The following SNRPN variants were observed in gnomAD, a reference collection of about 807,000 sequenced individuals.
SNRPN encodes small nuclear ribonucleoprotein polypeptide N.
In SNRPN, 7 loss-of-function variants were observed where a neutral mutation model predicts 25.2. The ratio of observed to expected loss-of-function variants is 0.28; its 90% CI spans 0.16 to 0.52. The LOEUF (loss-of-function observed/expected upper bound fraction) is 0.52. SNRPN is among the 20% of genes least tolerant of loss of function. The probability of loss-of-function intolerance (pLI) is 0.96; values close to 1 mark genes in which losing one functional copy is unlikely to be tolerated. For synonymous variants in SNRPN, 124 were observed against 110.6 expected (o/e 1.12, Z -0.76); for missense variants, 196 against 322.5 (o/e 0.61, Z 3.00).
chr15:24,893,699 T>TA (rs59839840), intron 2 of SNRPN, among the ~76,000 whole-genome samples: 62,554 of 150,434 alleles, frequency 0.42, 13,694 homozygotes, highest in East Asian at 0.67. Context: ...ACATTCCCAT[T>TA]AAAAAAAAAT....
chr15:24,884,844 G>T (rs577666429), intron 1 of SNRPN, among the ~76,000 whole-genome samples: 1 of 152,286 alleles, frequency 6.6e-6, no homozygotes, highest in East Asian at 1.9e-4. Context: ...GACCCCAAAA[G>T]AGGGTTCTTG....
At chr15:24,950,208 A>G (rs2153203807), upstream of SNRPN, among the ~76,000 whole-genome samples, 1 of 150,304 alleles carries the variant, frequency 6.7e-6, no homozygotes, top group South Asian at 2.1e-4. Flanking sequence ...ACGGAGTCTC[A>G]CTCTGTCACC....
chr15:24,903,713 G>T (rs1421181457), intron 2 of SNRPN, among the ~76,000 whole-genome samples: 4 of 152,102 alleles, frequency 2.6e-5, no homozygotes, highest in Admixed American at 2.6e-4. Flanking sequence ...AGTTTTAATG[G>T]GAGAGATAGT....
chr15:24,909,073 A>T lies in SNRPN; in HGVS notation c.-504-10938A>T, dbSNP rs1036363105. ...TCTTGGGCTTATTTTCATAGACTGG[A>T]TTCTCTCGTATAGCAGCATGAGCTT... On this transcript the variant is annotated intron_variant, in intron 2 of 11. Transcript: ENST00000400097. The T allele has an allele frequency of 2.1e-6, 3 of 1,409,308 alleles. No homozygotes were observed. The African/African-American group carries it at 4.3e-5, about 20-fold the overall frequency. The allele number at this position is 1,409,308 out of a possible 1,614,324, so 87.3% of individuals were successfully genotyped here.
rs189125295 is a variant in SNRPN, at chr15:24,978,487, G to A, written c.*43G>A. On this transcript the variant is annotated 3_prime_UTR_variant, in exon 10 of 10. Coordinates refer to ENST00000390687, the MANE Select transcript of SNRPN (RefSeq NM_003097.6). Reference sequence around the variant, plus strand: ...TCAGTCACTTTTTCCCCTGCAATGCGTCTTGTGAAATTGTGTAGAGTGTTT... The same window carrying A: ...TCAGTCACTTTTTCCCCTGCAATGCATCTTGTGAAATTGTGTAGAGTGTTT... 2,243 of 1,567,226 alleles carry A rather than the reference G, an allele frequency of 1.4e-3. 3 individuals are homozygous for A. The highest frequency in any genetic ancestry group is 5.2e-3 in the Admixed American group (309 of 59,860).
intron 2 of SNRPN, among the ~76,000 whole-genome samples, chr15:24,847,287 A>T (rs1403521011): frequency 6.6e-6 from 1 of 152,190 alleles, no homozygotes; most frequent in South Asian, 2.1e-4. Flanking sequence ...GGGAAAAAAA[A>T]GGTGAGGCCC....
intron 2 of SNRPN, among the ~76,000 whole-genome samples, chr15:24,903,400 G>C (rs540731891): frequency 6.6e-6 from 1 of 152,268 alleles, no homozygotes; most frequent in Non-Finnish European, 1.5e-5. Context: ...ACAGGCAAAA[G>C]CGTAGAGGGT....
intron 2 of SNRPN, among the ~76,000 whole-genome samples, chr15:24,917,658 C>A (rs2059617424): frequency 6.6e-6 from 1 of 152,260 alleles, no homozygotes; most frequent in African/African-American, 2.4e-5. Flanking sequence ...CAAACCCGCC[C>A]TGGTCTGCGC....
intron 2 of SNRPN, among the ~76,000 whole-genome samples, chr15:24,914,066 G>GAACAAA (rs1485846206): frequency 2.2e-4 from 34 of 152,130 alleles, no homozygotes; most frequent in Non-Finnish European, 4.4e-4. Flanking sequence ...GTTAGCCTTT[G>GAACAAA]TTCTCCCTGG....
intron 2 of SNRPN, among the ~76,000 whole-genome samples, chr15:24,830,519 T>A (rs2141431925): frequency 6.6e-6 from 1 of 152,236 alleles, no homozygotes; most frequent in East Asian, 1.9e-4. Context: ...ACAGTAAAAA[T>A]TTAGATGTTT....
At chr15:24,885,230 T>C (rs922513882) in intron 1 of SNRPN, among the ~76,000 whole-genome samples, 3 of 152,224 alleles carry the variant, frequency 2.0e-5, no homozygotes, top group Non-Finnish European at 4.4e-5. Context: ...TAGGTATTGT[T>C]AAGCTGTTTC....
upstream of SNRPN, among the ~76,000 whole-genome samples, chr15:24,856,373 A>C (rs2053385477): frequency 6.6e-6 from 1 of 152,220 alleles, no homozygotes; most frequent in Non-Finnish European, 1.5e-5. Context: ...ATGAGATGTC[A>C]ACACTCCTCA....
At chr15:24,846,321 A>G (rs1357348079) in intron 2 of SNRPN, among the ~76,000 whole-genome samples, 1 of 152,176 alleles carries the variant, frequency 6.6e-6, no homozygotes, top group East Asian at 1.9e-4. Context: ...AAAGGAAGTC[A>G]ACCGATTTTC....
intron 1 of SNRPN, among the ~76,000 whole-genome samples, chr15:24,957,162 C>T (rs1193723595): frequency 6.6e-6 from 1 of 152,002 alleles, no homozygotes; most frequent in African/African-American, 2.4e-5. Flanking sequence ...TTCAGTTATC[C>T]TTCTTAATCT....
chr15:24,918,326 CAT>C (rs1447009950), intron 2 of SNRPN, among the ~76,000 whole-genome samples: 1 of 97,810 alleles, frequency 1.0e-5, no homozygotes, highest in Admixed American at 1.2e-4. Flanking sequence ...ATATATATAA[CAT>C]AATATATATG....
intron 2 of SNRPN, among the ~76,000 whole-genome samples, chr15:24,837,577 G>A (rs979171083): frequency 6.7e-4 from 101 of 151,860 alleles, no homozygotes; most frequent in Non-Finnish European, 1.1e-3. Flanking sequence ...CACCGTGTTA[G>A]CTAGGATGGT....
intron 3 of SNRPN, among the ~76,000 whole-genome samples, chr15:24,949,010 CTTTTTTTTTTTTTTTT>C (rs869100437): frequency 1.1e-4 from 5 of 46,410 alleles, no homozygotes; most frequent in African/African-American, 9.0e-5. Context: ...TTTGCCTATT[CTTTTTTTTTTTTTTTT>C]TTTTTTTTTT....
At chr15:24,928,805 G>T (rs1462239789) in intron 3 of SNRPN, among the ~76,000 whole-genome samples, 1 of 151,826 alleles carries the variant, frequency 6.6e-6, no homozygotes, top group African/African-American at 2.4e-5. Flanking sequence ...GTGGGGTCTT[G>T]CCATGTTGCC....
intron 2 of SNRPN, among the ~76,000 whole-genome samples, chr15:24,894,408 C>T (rs577659132): frequency 2.6e-5 from 4 of 152,048 alleles, no homozygotes; most frequent in African/African-American, 7.2e-5. Flanking sequence ...TTAGTAGAGA[C>T]GGGCTTTCAC....
Sources: gnomAD v4.1 joint callset for allele counts (sites outside exome capture counted in the v4.1 genomes callset) on GRCh38, gnomAD v4.1.1 for gene constraint, MANE v1.5 for transcripts, NCBI Gene and HGNC (gene_info 2026-07-23, HGNC 2026-07-21) for gene names.